CLVS1: variants seen among roughly 807,000 people sequenced by gnomAD.
The protein encoded by CLVS1 is clavesin 1.
Under a neutral mutation model 33.1 loss-of-function variants are expected in CLVS1, and 10 were observed. That is an observed-to-expected ratio of 0.30 (90% CI 0.19 to 0.51). The LOEUF (loss-of-function observed/expected upper bound fraction) is 0.51, where lower values mean the gene tolerates loss of function less well. Among genes scored for constraint, CLVS1 ranks in the 20% least tolerant of loss-of-function variants. CLVS1 has a pLI of 0.97. For missense variants in CLVS1, 343 were observed against 433.4 expected (o/e 0.79, Z 1.85); for synonymous variants, 163 against 166.1 (o/e 0.98, Z 0.14).
chr8:61,500,025 C>G lies in CLVS1; in HGVS notation c.*483C>G, dbSNP rs963405416. On this transcript the variant is annotated 3_prime_UTR_variant, in exon 6 of 6. Coordinates refer to ENST00000325897, the MANE Select transcript of CLVS1 (RefSeq NM_173519.3). ...AGACAATAGTATCTCCAGTAATTTCCATTCTTACTGAATTATTTCCTTTGA... is the reference window on the plus strand; with the variant it reads ...AGACAATAGTATCTCCAGTAATTTCGATTCTTACTGAATTATTTCCTTTGA... 1 of 153,296 alleles carries G rather than the reference C, an allele frequency of 6.5e-6. No homozygotes were observed. The highest frequency in any genetic ancestry group is 2.4e-5 in the African/African-American group (1 of 41,446). 9.5% of individuals were successfully genotyped at this position (153,296 alleles called of 1,614,324 possible).
intron 2 of CLVS1, among the ~76,000 whole-genome samples, chr8:61,270,132 A>T (rs1286905985): frequency 6.6e-6 from 1 of 152,158 alleles, no homozygotes; most frequent in East Asian, 1.9e-4. Context: ...CCCATTCAGT[A>T]TGATATTGGC....
At chr8:61,221,818 A>AT (rs973698805) in intron 2 of CLVS1, among the ~76,000 whole-genome samples, 41 of 151,796 alleles carry the variant, frequency 2.7e-4, no homozygotes, top group African/African-American at 9.7e-4. Flanking sequence ...TAATCCTGGG[A>AT]TTTTTTTGGT....
intron 1 of CLVS1, among the ~76,000 whole-genome samples, chr8:61,115,837 G>A (rs1415733083): frequency 6.1e-5 from 9 of 146,936 alleles, no homozygotes; most frequent in East Asian, 5.9e-4. Context: ...ATAAACATAC[G>A]TGTGCATGTG....
intron 2 of CLVS1, among the ~76,000 whole-genome samples, chr8:61,311,102 A>T (rs994215075): frequency 1.3e-5 from 2 of 152,190 alleles, no homozygotes; most frequent in Admixed American, 1.3e-4. Context: ...TCCAGAGCCT[A>T]AAATGCTCAA....
intron 2 of CLVS1, among the ~76,000 whole-genome samples, chr8:61,175,801 ATTGTGAGATGAAAAATCTCTG>A (rs1807102512): frequency 6.6e-6 from 1 of 152,174 alleles, no homozygotes. Flanking sequence ...TAGCCTTCAA[ATTGTGAGATGAAAAATCTCTG>A]TTGTAAGCTT....
intron 2 of CLVS1, among the ~76,000 whole-genome samples, chr8:61,348,770 C>T (rs1020176125): frequency 2.0e-5 from 3 of 152,060 alleles, no homozygotes; most frequent in African/African-American, 4.8e-5. Context: ...GTGGTAGTTC[C>T]ATTTTTAACT....
chr8:61,129,446 C>A (rs1806043933), intron 1 of CLVS1, among the ~76,000 whole-genome samples: 1 of 152,178 alleles, frequency 6.6e-6, no homozygotes, highest in African/African-American at 2.4e-5. Context: ...TTCTTTAAAT[C>A]TGTCTTTTTT....
At chr8:61,287,594 T>TA (rs1809815365), upstream of CLVS1, among the ~76,000 whole-genome samples, 1 of 152,188 alleles carries the variant, frequency 6.6e-6, no homozygotes, top group African/African-American at 2.4e-5. Flanking sequence ...ATGTTTTTGA[T>TA]AAAAACATCT....
intron 1 of CLVS1, among the ~76,000 whole-genome samples, chr8:61,115,739 G>A (rs1206485079): frequency 2.0e-5 from 3 of 148,896 alleles, no homozygotes; most frequent in Non-Finnish European, 4.4e-5. Flanking sequence ...ATTCCATGGT[G>A]TATATGTGCC....
intron 2 of CLVS1, among the ~76,000 whole-genome samples, chr8:61,140,014 A>C (rs1051650849): frequency 1.3e-5 from 2 of 152,160 alleles, no homozygotes; most frequent in African/African-American, 4.8e-5. Context: ...TGCAGGAAGC[A>C]GCCGAGGTGC....
intron 1 of CLVS1, among the ~76,000 whole-genome samples, chr8:61,290,444 C>T (rs879405927): frequency 4.6e-5 from 7 of 152,014 alleles, no homozygotes; most frequent in Non-Finnish European, 8.8e-5. Context: ...GTTTTCCAGC[C>T]GAGTGTCATC....
chr8:61,273,071 T>G (rs1251540912), intron 2 of CLVS1, among the ~76,000 whole-genome samples: 1 of 150,822 alleles, frequency 6.6e-6, no homozygotes, highest in African/African-American at 2.5e-5. Flanking sequence ...GGCGCTCTGC[T>G]TTTTAGAGTT....
intron 3 of CLVS1, among the ~76,000 whole-genome samples, chr8:61,413,852 A>G (rs1295701965): frequency 6.6e-6 from 1 of 152,254 alleles, no homozygotes; most frequent in Non-Finnish European, 1.5e-5. Flanking sequence ...TACTGCCACC[A>G]GAGGCATTTA....
At chr8:60,983,774 G>A in the CLVS1 span, among the ~76,000 whole-genome samples, 2 of 152,310 alleles carry the variant, frequency 1.3e-5, no homozygotes, top group South Asian at 2.1e-4. Context: ...TGTGAAATCC[G>A]TGGAAGCACA....
the CLVS1 span, among the ~76,000 whole-genome samples, chr8:61,045,608 AT>A: frequency 1.2e-4 from 18 of 152,204 alleles, no homozygotes; most frequent in Non-Finnish European, 2.1e-4. Flanking sequence ...TTTAGAACTA[AT>A]GCCATTGTAG....
At chr8:61,362,235 C>T (rs574812288) in intron 2 of CLVS1, among the ~76,000 whole-genome samples, 3 of 152,230 alleles carry the variant, frequency 2.0e-5, no homozygotes, top group East Asian at 1.9e-4. Context: ...GACATTTGGC[C>T]AAGACCTGAA....
At chr8:61,182,386 G>A (rs1807255930) in intron 2 of CLVS1, among the ~76,000 whole-genome samples, 2 of 152,118 alleles carry the variant, frequency 1.3e-5, no homozygotes, top group Admixed American at 6.5e-5. Flanking sequence ...TCATCAGAGT[G>A]AAAAGGCAAC....
intron 1 of CLVS1, among the ~76,000 whole-genome samples, chr8:61,093,580 TA>T (rs2129285007): frequency 6.6e-6 from 1 of 152,354 alleles, no homozygotes; most frequent in East Asian, 1.9e-4. Context: ...ATGTCAGTGT[TA>T]AATCTATAGA....
At chr8:61,441,725 T>C (rs1289730502) in intron 3 of CLVS1, among the ~76,000 whole-genome samples, 1 of 152,210 alleles carries the variant, frequency 6.6e-6, no homozygotes, top group Non-Finnish European at 1.5e-5. Flanking sequence ...GCCTATATTA[T>C]GTTGCTCCTG....
Sources: allele counts gnomAD v4.1 joint callset (sites outside exome capture counted in the v4.1 genomes callset), GRCh38; gene constraint gnomAD v4.1.1; transcripts MANE v1.5; gene names NCBI Gene and HGNC (gene_info 2026-07-23, HGNC 2026-07-21).